AHDC1: variants seen among roughly 807,000 people sequenced by gnomAD.
The protein encoded by AHDC1 is AT-hook DNA binding motif containing 1.
In AHDC1, 7 loss-of-function variants were observed where a neutral mutation model predicts 87.9. The ratio of observed to expected loss-of-function variants is 0.08; its 90% CI spans 0.05 to 0.15. The LOEUF is 0.15. Among genes scored for constraint, AHDC1 ranks in the 10% least tolerant of loss-of-function variants. AHDC1 has a pLI of 1.00. For missense variants in AHDC1, 1,841 were observed against 2,253.2 expected (o/e 0.82, Z 3.70); for synonymous variants, 1,051 against 1,006.8 (o/e 1.04, Z -0.83).
chr1:27,563,808 A>C lies in AHDC1; in HGVS notation c.-628-4925T>G, dbSNP rs2020205735. Reference sequence around the variant, plus strand: ...CTGGGGGAGAGGAGTGCTGGGGAGGAAGCTGCCTGGACACACTGACTACCT... The same window carrying C: ...CTGGGGGAGAGGAGTGCTGGGGAGGCAGCTGCCTGGACACACTGACTACCT... On this transcript the variant is annotated intron_variant, in intron 3 of 8. Transcript: ENST00000673934. This position sits in a 1 kb window ranked among gnomAD's most constrained non-coding sequence, Gnocchi z 6.1. Among the ~76,000 whole-genome samples the C allele has an allele frequency of 6.6e-6, 1 of 151,288 alleles. No homozygotes were observed. The highest frequency in any genetic ancestry group is 2.4e-5 in the African/African-American group (1 of 41,068).
At position 27,563,328 on chromosome 1, in the gene AHDC1, T is replaced by C. The variant is rs1414771124; in HGVS notation, c.-628-4445A>G. On this transcript the variant is annotated intron_variant, in intron 3 of 8. Coordinates refer to ENST00000673934, the MANE Select transcript of AHDC1 (RefSeq NM_001371928.1). The surrounding 1 kb of genome is among the most constrained non-coding windows in gnomAD (Gnocchi z 6.1). ...CACATGCACACACACACAGAACCTG[T>C]CACACAGCTGACCAAGACACACACA... 6.7e-6 allele frequency among the ~76,000 whole-genome samples: 1 copy of C among 150,350 alleles called. No homozygotes were observed. Among genetic ancestry groups the C allele is most frequent in the Non-Finnish European group, 1.5e-5 (1 of 67,806 alleles).
chr1:27,576,416 G>A (rs1276753575), intron 3 of AHDC1, among the ~76,000 whole-genome samples: 4 of 152,184 alleles, frequency 2.6e-5, no homozygotes, highest in Non-Finnish European at 5.9e-5. Context: ...TGTGCCTAGC[G>A]ACTACCCAAT....
At chr1:27,589,130 G>C (rs575371020) in intron 3 of AHDC1, among the ~76,000 whole-genome samples, 7 of 152,022 alleles carry the variant, frequency 4.6e-5, no homozygotes, top group African/African-American at 1.7e-4. Context: ...GGCCCAGGGT[G>C]GGGGGTTCTG....
rs1354063368 is a variant in AHDC1, at chr1:27,565,480, G to A, written c.-628-6597C>T. ...GCTGCCAGTCTTGAAGGGAGGCGAG[G>A]CACTGTCCTCCACCCAACCCTTAAG... On this transcript the variant is annotated intron_variant, in intron 3 of 8. Coordinates refer to ENST00000673934, the MANE Select transcript of AHDC1 (RefSeq NM_001371928.1). The surrounding 1 kb of genome is among the most constrained non-coding windows in gnomAD (Gnocchi z 4.6). Among the ~76,000 whole-genome samples the A allele has an allele frequency of 3.3e-5, 5 of 152,194 alleles. No homozygotes were observed. Among genetic ancestry groups the A allele is most frequent in the African/African-American group, 1.2e-4 (5 of 41,424 alleles).
intron 3 of AHDC1, among the ~76,000 whole-genome samples, chr1:27,592,508 C>G (rs956320496): frequency 2.6e-5 from 4 of 152,190 alleles, no homozygotes; most frequent in Admixed American, 2.6e-4. Flanking sequence ...CACTTCAGCT[C>G]GGCATCCTGC....
intron 7 of AHDC1, chr1:27,552,414 T>G: frequency 2.8e-6 from 1 of 354,566 alleles, no homozygotes; most frequent in Non-Finnish European, 5.0e-6. Flanking sequence ...TTTTTTTTTT[T>G]TTGGAAGAGA....
chr1:27,578,053 C>T (rs940552289), intron 3 of AHDC1, among the ~76,000 whole-genome samples: 1 of 152,192 alleles, frequency 6.6e-6, no homozygotes, highest in African/African-American at 2.4e-5. Flanking sequence ...ATTATTCTGG[C>T]TCATAACTCC....
rs2020212132 is a variant in AHDC1 at position 27,563,986 on chromosome 1, G to A, written c.-628-5103C>T. On this transcript the variant is annotated intron_variant, in intron 3 of 8. Transcript: ENST00000673934. This position sits in a 1 kb window ranked among gnomAD's most constrained non-coding sequence, Gnocchi z 6.1. ...TTAGAGATCAGTGGGGAGTAGGGCG[G>A]TTAGGGGTTGCTATCACCATGTGCT... Among the ~76,000 whole-genome samples the A allele has an allele frequency of 1.3e-5, 2 of 152,188 alleles. No homozygotes were observed. Among genetic ancestry groups the A allele is most frequent in the Non-Finnish European group, 2.9e-5 (2 of 68,034 alleles).
rs1350517333 is a variant in AHDC1 at position 27,595,882 on chromosome 1, G to A, written c.-629+7515C>T. 2.0e-5 allele frequency among the ~76,000 whole-genome samples: 3 copies of A among 151,734 alleles called. No homozygotes were observed. Among genetic ancestry groups the A allele is most frequent in the African/African-American group, 7.3e-5 (3 of 41,224 alleles). ...CATGTGAGGTAGCTGGATGTCGGGG[G>A]GTATCTGTATGTAGAGTGTGTGTGT... On this transcript the variant is annotated intron_variant, in intron 3 of 8. Coordinates refer to ENST00000673934, the MANE Select transcript of AHDC1 (RefSeq NM_001371928.1). This position sits in a 1 kb window ranked among gnomAD's most constrained non-coding sequence, Gnocchi z 4.0.
intron 3 of AHDC1, among the ~76,000 whole-genome samples, chr1:27,581,001 A>C (rs1334617020): frequency 6.6e-6 from 1 of 152,004 alleles, no homozygotes; most frequent in African/African-American, 2.4e-5. Context: ...TGCCCAGCTA[A>C]TTTTTGTATT....
rs950217952 is a variant in AHDC1, at chr1:27,552,048, C to T, written c.68G>A (p.Arg23Gln). Residue 23 changes from arginine (R) to glutamine (Q), a missense_variant, in exon 8 of 9, where the codon CGG becomes CAG. By Grantham distance (43) the Arg-to-Gln change is conservative. Around this residue, in one of 13 missense-constraint regions of AHDC1, gnomAD observed 142 missense variants for 165.6 expected, o/e 0.86. Coordinates refer to ENST00000673934, the MANE Select transcript of AHDC1 (RefSeq NM_001371928.1). Reference sequence around the variant, plus strand: ...GCCGCCGGGGTAGTACTTGGGTTCCCGGAGGTAGTCAGGAGAGCTGCACAC... The same window carrying T: ...GCCGCCGGGGTAGTACTTGGGTTCCTGGAGGTAGTCAGGAGAGCTGCACAC... ...SAVCSSPDYL[R>Q]EPKYYPGGPP... is the part of the protein sequence containing the mutation. 96 of 1,499,156 alleles carry T rather than the reference C, an allele frequency of 6.4e-5. No homozygotes were observed. In the African/African-American group the frequency reaches 8.2e-4, roughly 13 times the overall value. 92.9% of individuals were successfully genotyped at this position (1,499,156 alleles called of 1,614,324 possible). A position where few individuals can be genotyped will look rare whatever the true frequency, so the allele number is the denominator to read the frequency against.
At chr1:27,535,281 CT>C (rs1438100277) in intron 8 of AHDC1, among the ~76,000 whole-genome samples, 2 of 152,236 alleles carry the variant, frequency 1.3e-5, no homozygotes, top group Non-Finnish European at 2.9e-5. Context: ...TGTTGTTGAA[CT>C]TCTGTGAGCC....
chr1:27,600,405 G>A (rs982765281), intron 3 of AHDC1, among the ~76,000 whole-genome samples: 1 of 151,872 alleles, frequency 6.6e-6, no homozygotes, highest in Admixed American at 6.5e-5. Flanking sequence ...ACACAGGCAT[G>A]GCACCCCCTG....
Position 27,553,717 on chromosome 1 carries a change from A to G in AHDC1, c.-224-532T>C, listed in dbSNP as rs1297239799. On this transcript the variant is annotated intron_variant, in intron 5 of 8. Transcript: ENST00000673934. ...AAGGATATCTGTCCTATTCACCACT[A>G]TATGTATTTCCCAACACTCAGAACA... Among the ~76,000 whole-genome samples the G allele has an allele frequency of 5.9e-5, 9 of 152,088 alleles. No homozygotes were observed. The South Asian group carries it at 1.7e-3, about 28-fold the overall frequency.
At chr1:27,585,420 T>C (rs2089025689) in intron 3 of AHDC1, among the ~76,000 whole-genome samples, 1 of 152,132 alleles carries the variant, frequency 6.6e-6, no homozygotes, top group African/African-American at 2.4e-5. Flanking sequence ...ACAAAGACAC[T>C]AATAAAAGGG....
chr1:27,542,489 C>T (rs938442986), intron 8 of AHDC1, among the ~76,000 whole-genome samples: 1 of 152,248 alleles, frequency 6.6e-6, no homozygotes, highest in African/African-American at 2.4e-5. Context: ...TCAGAGGCCC[C>T]GGAGTTCAGC....
intron 3 of AHDC1, among the ~76,000 whole-genome samples, chr1:27,573,155 A>T (rs1444479256): frequency 6.6e-6 from 1 of 152,054 alleles, no homozygotes; most frequent in African/African-American, 2.4e-5. Context: ...ATACCTTGAC[A>T]GGAATCTCCG....
At position 27,550,064 on chromosome 1, in the gene AHDC1, G is replaced by A. The variant is rs1026042388; in HGVS notation, c.2052C>T (p.Ala684=). The A allele has an allele frequency of 1.2e-6, 2 of 1,606,970 alleles. No individual in the cohort carries two copies. Among genetic ancestry groups the A allele is most frequent in the Non-Finnish European group, 8.5e-7 (1 of 1,176,170 alleles). ...CACTGAAGGAGCATCGGGCTGACTTGGCCGCATGGCCCCCACCCCGGCCAC... is the reference window on the plus strand; with the variant it reads ...CACTGAAGGAGCATCGGGCTGACTTAGCCGCATGGCCCCCACCCCGGCCAC... ...GFGGRGGGHA[A]KSARCSFSDF... Residue 684 remains alanine (A), a synonymous_variant, in exon 8 of 9, where the codon GCC becomes GCT. Coordinates refer to ENST00000673934, the MANE Select transcript of AHDC1 (RefSeq NM_001371928.1).
chr1:27,549,908 C>G lies in AHDC1; in HGVS notation c.2208G>C (p.Gly736=). The G allele has an allele frequency of 6.2e-7, 1 of 1,613,776 alleles. No homozygotes were observed. Reference sequence around the variant, plus strand: ...GGGACCGTCTCTTGCGCTTTGGCTTCCCAGTCACAGCGTCTACCTCCCCCC... The same window carrying G: ...GGGACCGTCTCTTGCGCTTTGGCTTGCCAGTCACAGCGTCTACCTCCCCCC... ...RGRGEVDAVT[G]KPKRKRRSRK... Residue 736 remains glycine, a synonymous_variant, in exon 8 of 9, where the codon GGG becomes GGC. Transcript: ENST00000673934.
Sources: gnomAD v4.1 joint callset for allele counts (sites outside exome capture counted in the v4.1 genomes callset) on GRCh38, gnomAD v4.1.1 for gene constraint, gnomAD v4.1.1 regional missense constraint, Gnocchi (gnomAD v3.1) non-coding constraint, MANE v1.5 for transcripts, NCBI Gene and HGNC (gene_info 2026-07-23, HGNC 2026-07-21) for gene names.